The following LMNTD1 variants were observed in gnomAD, a reference collection of about 807,000 sequenced individuals.
LMNTD1 encodes the protein lamin tail domain-containing protein 1.
In LMNTD1, 35 loss-of-function variants were observed where a neutral mutation model predicts 50.9. The observed-to-expected ratio is 0.69, with a 90% CI of 0.53 to 0.91. LMNTD1 has a LOEUF of 0.91. LMNTD1 is among the 40% of genes least tolerant of loss of function. LMNTD1 has a pLI of 0.00. For missense variants in LMNTD1, 470 were observed against 475.5 expected, an observed-to-expected ratio of 0.99 and a Z score of 0.11; for synonymous variants, 153 against 161.9, an observed-to-expected ratio of 0.94 and a Z score of 0.42.
intron 4 of LMNTD1, among the ~76,000 whole-genome samples, chr12:25,544,221 C>T (rs553443275): frequency 8.4e-4 from 127 of 151,856 alleles, no homozygotes; most frequent in African/African-American, 2.9e-3. Flanking sequence ...TAAATCTATT[C>T]GTTTGCTTTA....
At chr12:25,541,214 T>G (rs1943046007) in intron 4 of LMNTD1, among the ~76,000 whole-genome samples, 1 of 79,400 alleles carries the variant, frequency 1.3e-5, no homozygotes, top group Non-Finnish European at 3.2e-5. Context: ...TTCACAGAAT[T>G]GGAAAAAACT....
At chr12:25,638,401 A>G (rs985662633) in intron 1 of LMNTD1, among the ~76,000 whole-genome samples, 2 of 152,098 alleles carry the variant, frequency 1.3e-5, no homozygotes, top group Non-Finnish European at 2.9e-5. Flanking sequence ...GTAGTAGTTT[A>G]TCTATTTGCA....
intron 1 of LMNTD1, among the ~76,000 whole-genome samples, chr12:25,635,168 A>C (rs1441937287): frequency 7.0e-6 from 1 of 143,758 alleles, no homozygotes; most frequent in Non-Finnish European, 1.5e-5. Flanking sequence ...TAAACCCAGG[A>C]GGTGGAGGTT....
At chr12:25,610,732 A>C (rs1394737943) in intron 1 of LMNTD1, among the ~76,000 whole-genome samples, 1 of 152,154 alleles carries the variant, frequency 6.6e-6, no homozygotes, top group Non-Finnish European at 1.5e-5. Context: ...TTGGCATCTC[A>C]CTAATCCAGG....
chr12:25,510,187 C>A (rs1415630879), intron 8 of LMNTD1, among the ~76,000 whole-genome samples: 2 of 148,758 alleles, frequency 1.3e-5, no homozygotes, highest in East Asian at 1.9e-4. Flanking sequence ...GGATAATTTT[C>A]TTTCTATTTG....
At chr12:25,584,981 G>A (rs950212693) in intron 1 of LMNTD1, among the ~76,000 whole-genome samples, 4 of 152,130 alleles carry the variant, frequency 2.6e-5, no homozygotes, top group African/African-American at 2.4e-5. Context: ...CAAGTAAAAC[G>A]GATTATACTT....
chr12:25,494,608 C>T (rs1938998801), intron 9 of LMNTD1, among the ~76,000 whole-genome samples: 1 of 152,040 alleles, frequency 6.6e-6, no homozygotes, highest in Admixed American at 6.6e-5. Flanking sequence ...TATTTTAAGT[C>T]AGTACTCTCA....
intron 1 of LMNTD1, among the ~76,000 whole-genome samples, chr12:25,622,476 C>CCCCCCCCCT (rs5797142): frequency 7.1e-6 from 1 of 141,500 alleles, no homozygotes; most frequent in African/African-American, 2.6e-5. Flanking sequence ...CGCCCCCCCC[C>CCCCCCCCCT]GCAAAATAAT....
At chr12:25,585,829 G>A (rs575014456) in intron 1 of LMNTD1, among the ~76,000 whole-genome samples, 5 of 152,312 alleles carry the variant, frequency 3.3e-5, no homozygotes, top group African/African-American at 7.2e-5. Flanking sequence ...GTTGATTAGC[G>A]TGGGTGATTG....
intron 1 of LMNTD1, among the ~76,000 whole-genome samples, chr12:25,588,095 T>C (rs1447281430): frequency 2.0e-5 from 3 of 152,092 alleles, no homozygotes; most frequent in Non-Finnish European, 4.4e-5. Context: ...GAACTGGCCA[T>C]GTCTCAGAGA....
chr12:25,626,830 A>G (rs1019956814), intron 1 of LMNTD1, among the ~76,000 whole-genome samples: 11 of 152,240 alleles, frequency 7.2e-5, no homozygotes, highest in Admixed American at 7.2e-4. Context: ...CCAATTCTCA[A>G]TAAGCTTGAC....
intron 1 of LMNTD1, among the ~76,000 whole-genome samples, chr12:25,582,164 A>G (rs1270810729): frequency 6.6e-6 from 1 of 152,206 alleles, no homozygotes; most frequent in Non-Finnish European, 1.5e-5. Context: ...AGGATGCCAG[A>G]GTGACCAAAA....
At chr12:25,596,483 C>A (rs1945847817) in intron 1 of LMNTD1, among the ~76,000 whole-genome samples, 1 of 151,970 alleles carries the variant, frequency 6.6e-6, no homozygotes. Context: ...ATTACATGAT[C>A]ATCTCAATAG....
chr12:25,625,879 C>T (rs910961923), intron 1 of LMNTD1, among the ~76,000 whole-genome samples: 4 of 152,188 alleles, frequency 2.6e-5, no homozygotes, highest in African/African-American at 9.7e-5. Context: ...GGGCTGTACA[C>T]AGCCCTTGTT....
chr12:25,618,613 C>T (rs989905887), intron 1 of LMNTD1, among the ~76,000 whole-genome samples: 3 of 152,028 alleles, frequency 2.0e-5, no homozygotes, highest in Admixed American at 2.0e-4. Context: ...GGCATTAGCA[C>T]ATTTAGGCCT....
intron 1 of LMNTD1, among the ~76,000 whole-genome samples, chr12:25,599,977 C>A (rs750345860): frequency 6.6e-6 from 1 of 151,614 alleles, no homozygotes; most frequent in Non-Finnish European, 1.5e-5. Context: ...CCACAAAAGA[C>A]CCTGAATACC....
chr12:25,476,884 AT>A (rs1348068256), intron 9 of LMNTD1, among the ~76,000 whole-genome samples: 1 of 152,180 alleles, frequency 6.6e-6, no homozygotes, highest in African/African-American at 2.4e-5. Flanking sequence ...TACAGAAATA[AT>A]TTTTTAAAAT....
At chr12:25,510,234 C>A (rs1940161774) in intron 8 of LMNTD1, among the ~76,000 whole-genome samples, 1 of 150,778 alleles carries the variant, frequency 6.6e-6, no homozygotes, top group Admixed American at 6.6e-5. Context: ...ATTAATGAAT[C>A]CTTCCAGTTT....
intron 1 of LMNTD1, among the ~76,000 whole-genome samples, chr12:25,591,811 C>CAGAGAGAGAGAGAGAGAGAGAG (rs58392351): frequency 1.1e-4 from 10 of 90,088 alleles, no homozygotes; most frequent in Admixed American, 3.5e-4. Context: ...TAGCTCAGAA[C>CAGAGAGAGAGAGAGAGAGAGAG]AGAGAGAGAG....
Sources: gnomAD v4.1 joint callset for allele counts (sites outside exome capture counted in the v4.1 genomes callset) on GRCh38, gnomAD v4.1.1 for gene constraint, MANE v1.5 for transcripts, NCBI Gene and HGNC (gene_info 2026-07-23, HGNC 2026-07-21) for gene names.